INO80D: variants seen among roughly 807,000 people sequenced by gnomAD.
INO80D encodes INO80 complex subunit D.
In INO80D, 21 loss-of-function variants were observed where a neutral mutation model predicts 87.6. That is an observed-to-expected ratio of 0.24 (90% CI 0.17 to 0.35). The LOEUF is 0.35. Among genes scored for constraint, INO80D ranks in the 10% least tolerant of loss-of-function variants. INO80D has a pLI of 1.00. For missense variants in INO80D, 982 were observed against 1,280.7 expected (o/e 0.77, Z 3.56); for synonymous variants, 440 against 491.0 (o/e 0.90, Z 1.37).
chr2:206,078,415 C>CA (rs946947837), intron 1 of INO80D, among the ~76,000 whole-genome samples: 1 of 151,972 alleles, frequency 6.6e-6, no homozygotes, highest in Non-Finnish European at 1.5e-5. Flanking sequence ...GACTCCATCT[C>CA]AAAAAAATAA....
chr2:206,024,327 A>G (rs1362905351), intron 6 of INO80D, among the ~76,000 whole-genome samples: 1 of 152,164 alleles, frequency 6.6e-6, no homozygotes, highest in Non-Finnish European at 1.5e-5. Flanking sequence ...CAGAGTACAG[A>G]GCACAGTAGG....
chr2:206,015,499 C>T (rs1688293139), intron 8 of INO80D, among the ~76,000 whole-genome samples: 1 of 152,176 alleles, frequency 6.6e-6, no homozygotes, highest in South Asian at 2.1e-4. Context: ...AAGCCCCAAG[C>T]CTTGGCAGCT....
rs73061983 is a variant in INO80D, at chr2:206,024,128, A to G, written c.1298+3983T>C. Among the ~76,000 whole-genome samples the G allele has an allele frequency of 8.0e-3, 1,212 of 152,324 alleles. 12 individuals are homozygous for G. The highest frequency in any genetic ancestry group is 0.027 in the African/African-American group (1,127 of 41,572). On this transcript the variant is annotated intron_variant, in intron 6 of 10. Transcript: ENST00000403263. ...TTATATCATATAAATGTTAGTTATC[A>G]TTATTTTATAACCTGTGTCAAACTG...
chr2:206,007,329 G>A lies in INO80D; in HGVS notation c.1873C>T (p.Leu625=), dbSNP rs369580426. The A allele has an allele frequency of 3.7e-6, 6 of 1,613,548 alleles. No individual in the cohort carries two copies. In the African/African-American group the frequency reaches 8.0e-5, roughly 22 times the overall value. Residue 625 remains leucine, a synonymous_variant, in exon 10 of 11, where the codon CTG becomes TTG. Transcript: ENST00000403263. ...TGTAAGTCATCAGGTAGCCGTGGCA[G>A]GACATCTGAAAAGTCCTCCTGGTTC... is the stretch of plus-strand genomic sequence containing the variant. ...ELNQEDFSDV[L]PRLPDDLQDF...
intron 4 of INO80D, among the ~76,000 whole-genome samples, chr2:206,054,001 A>C (rs893122821): frequency 6.6e-6 from 1 of 151,710 alleles, no homozygotes; most frequent in African/African-American, 2.4e-5. Flanking sequence ...CACCATGCCT[A>C]GCTAATTTTC....
Position 206,009,683 on chromosome 2 carries a change from T to G in INO80D, c.1654A>C (p.Arg552=). 2 of 1,614,020 alleles carry G rather than the reference T, an allele frequency of 1.2e-6. No individual in the cohort carries two copies. The highest frequency in any genetic ancestry group is 1.7e-6 in the Non-Finnish European group (2 of 1,179,892). ...TTTTGGGGTCGACGAGGTCCACGCC[T>G]TCTCTTCTTCTTGTGTTTTTTGGTT... ...ALTKKHKKKR[R]RGPRRPQKPI... is the part of the protein sequence containing the mutation. Residue 552 remains arginine, a synonymous_variant, in exon 9 of 11, where the codon AGG becomes CGG. Transcript: ENST00000403263.
intron 3 of INO80D, among the ~76,000 whole-genome samples, chr2:206,061,360 C>T (rs760794497): frequency 1.8e-4 from 27 of 152,040 alleles, no homozygotes; most frequent in Non-Finnish European, 3.4e-4. Flanking sequence ...AAAAAAAATC[C>T]AACACTGACA....
intron 1 of INO80D, among the ~76,000 whole-genome samples, chr2:206,074,538 C>A (rs747916057): frequency 6.7e-6 from 1 of 149,580 alleles, no homozygotes; most frequent in African/African-American, 2.5e-5. Context: ...TGCTTGAACC[C>A]GGGAGGCGGA....
At chr2:206,026,228 T>C (rs1315182186) in intron 6 of INO80D, among the ~76,000 whole-genome samples, 1 of 152,066 alleles carries the variant, frequency 6.6e-6, no homozygotes, top group African/African-American at 2.4e-5. Flanking sequence ...TTCAATTTAG[T>C]GCTTTAAATG....
At chr2:206,080,610 A>C (rs1690249689) in intron 1 of INO80D, among the ~76,000 whole-genome samples, 1 of 152,188 alleles carries the variant, frequency 6.6e-6, no homozygotes, top group Admixed American at 6.6e-5. Flanking sequence ...ATTCACATCA[A>C]GAATATTAAA....
intron 6 of INO80D, among the ~76,000 whole-genome samples, chr2:206,020,272 T>C (rs1045141033): frequency 1.3e-5 from 2 of 152,116 alleles, no homozygotes; most frequent in African/African-American, 4.8e-5. Context: ...TTCTCACCTG[T>C]AAAGTAGAGA....
chr2:206,050,928 C>G (rs902296651), intron 4 of INO80D, among the ~76,000 whole-genome samples: 6 of 151,866 alleles, frequency 4.0e-5, no homozygotes, highest in African/African-American at 1.4e-4. Context: ...GAGATCCCGC[C>G]ACTGCACTAC....
chr2:205,998,606 C>T lies in INO80D; in HGVS notation c.*5762G>A, dbSNP rs1479214458. On this transcript the variant is annotated 3_prime_UTR_variant, in exon 11 of 11. Coordinates refer to ENST00000403263, the MANE Select transcript of INO80D (RefSeq NM_017759.5). ...AATATACCTTTTCTCTTAAAATCTA[C>T]AATAAGTATTCTGAAAGCTCATTGG... 1 of 151,966 alleles carries T rather than the reference C, an allele frequency of 6.6e-6. No individual in the cohort carries two copies. Among genetic ancestry groups the T allele is most frequent in the African/African-American group, 2.4e-5 (1 of 41,396 alleles). The allele number at this position is 151,966 out of a possible 1,614,324, so 9.4% of individuals were successfully genotyped here.
At chr2:206,076,541 G>A (rs2105907989) in intron 1 of INO80D, among the ~76,000 whole-genome samples, 1 of 152,250 alleles carries the variant, frequency 6.6e-6, no homozygotes, top group Non-Finnish European at 1.5e-5. Context: ...AGAGAAAGAA[G>A]CAGTGAGAAA....
In INO80D at chr2:206,004,990, G is replaced by C. The variant is rs1457454443; in HGVS notation, c.2462C>G (p.Ser821Ter). 6.2e-7 allele frequency: 1 copy of C among 1,613,910 alleles called. No individual in the cohort carries two copies. The highest frequency in any genetic ancestry group is 8.5e-7 in the Non-Finnish European group (1 of 1,179,898). Residue 821 changes from serine (S) to a stop codon, truncating the protein, a stop_gained, in exon 11 of 11, where the codon TCA becomes TGA. Coordinates refer to ENST00000403263, the MANE Select transcript of INO80D (RefSeq NM_017759.5). LOFTEE classifies it high-confidence loss of function. The surrounding 1 kb of genome is among the most constrained non-coding windows in gnomAD (Gnocchi z 4.9). Reference sequence around the variant, plus strand: ...ATGGCTTCCATGGGGTGAGGAGTGTGAGTGATCACTGCTGTATTGCTGTCG... The same window carrying C: ...ATGGCTTCCATGGGGTGAGGAGTGTCAGTGATCACTGCTGTATTGCTGTCG... The part of the protein sequence containing the change: ...TSRQQYSSDH[S>*]HSSPHGSHYD...
At chr2:206,071,517 G>A (rs1181197379) in intron 1 of INO80D, among the ~76,000 whole-genome samples, 1 of 134,628 alleles carries the variant, frequency 7.4e-6, no homozygotes, top group Non-Finnish European at 1.6e-5. Context: ...ATCAATTATT[G>A]GCATACTAGA....
At chr2:206,031,786 T>C (rs1371696487) in intron 5 of INO80D, among the ~76,000 whole-genome samples, 1 of 152,124 alleles carries the variant, frequency 6.6e-6, no homozygotes, top group Non-Finnish European at 1.5e-5. Context: ...AAACCAGGAA[T>C]CCCGAGAGGA....
At chr2:206,040,861 C>T (rs1689029378) in intron 5 of INO80D, 1 of 158,732 alleles carries the variant, frequency 6.3e-6, no homozygotes, top group African/African-American at 2.4e-5. Context: ...TTGTTTCCAT[C>T]TTAAAAATTA....
rs572375311 is a variant in INO80D, at chr2:206,001,172, T to C, written c.*3196A>G. ...ACAGAAGAAAAAACAATGTCTTAAG[T>C]ACTTTAATTAAAATAATATTAATAA... is the stretch of plus-strand genomic sequence containing the variant. On this transcript the variant is annotated 3_prime_UTR_variant, in exon 11 of 11. Coordinates refer to ENST00000403263, the MANE Select transcript of INO80D (RefSeq NM_017759.5). The C allele has an allele frequency of 5.0e-4, 76 of 152,336 alleles. No individual in the cohort carries two copies. The highest frequency in any genetic ancestry group is 1.8e-3 in the African/African-American group (73 of 41,576). The allele number at this position is 152,336 out of a possible 1,614,324, so 9.4% of individuals were successfully genotyped here. A position where few individuals can be genotyped will look rare whatever the true frequency, so the allele number is the denominator to read the frequency against.
Sources: gnomAD v4.1 joint callset for allele counts (sites outside exome capture counted in the v4.1 genomes callset) on GRCh38, gnomAD v4.1.1 for gene constraint, Gnocchi (gnomAD v3.1) non-coding constraint, MANE v1.5 for transcripts, NCBI Gene and HGNC (gene_info 2026-07-23, HGNC 2026-07-21) for gene names.